Variants in THSD7A observed in about 807,000 individuals in gnomAD.
THSD7A encodes the protein thrombospondin type 1 domain containing 7A, also known as thrombospondin type-1 domain-containing protein 7A.
Under a neutral mutation model 231.3 loss-of-function variants are expected in THSD7A, and 96 were observed. The observed-to-expected ratio is 0.41, with a 90% confidence interval of 0.35 to 0.49. The LOEUF (loss-of-function observed/expected upper bound fraction) is 0.49, where lower values mean the gene tolerates loss of function less well. Among genes scored for constraint, THSD7A ranks in the 20% least tolerant of loss-of-function variants. THSD7A has a pLI of 0.05. For synonymous variants in THSD7A, 940 were observed against 743.3 expected, an observed-to-expected ratio of 1.26 and a Z score of -4.30; for missense variants, 2,290 against 2,070.2, an observed-to-expected ratio of 1.11 and a Z score of -2.06.
At chr7:11,512,942 G>GATATATATACATATATATATATAT (rs1015746084) in intron 6 of THSD7A, among the ~76,000 whole-genome samples, 4 of 101,994 alleles carry the variant, frequency 3.9e-5, no homozygotes, top group African/African-American at 1.8e-4. Context: ...AAGAAACTAT[G>GATATATATACATATATATATATAT]ATATATATAT....
At chr7:11,722,086 A>G (rs1781375899) in intron 1 of THSD7A, among the ~76,000 whole-genome samples, 1 of 151,920 alleles carries the variant, frequency 6.6e-6, no homozygotes, top group Admixed American at 6.6e-5. Context: ...AGCATGGCTG[A>G]CACCATGTTG....
intron 4 of THSD7A, among the ~76,000 whole-genome samples, chr7:11,564,557 C>A (rs10239942): frequency 0.6 from 90,805 of 151,966 alleles, 27,387 homozygotes; most frequent in Admixed American, 0.68. Flanking sequence ...TGCTGCTTTG[C>A]CTTGGTGTCT....
intron 1 of THSD7A, among the ~76,000 whole-genome samples, chr7:11,761,885 C>T (rs1782874653): frequency 6.6e-6 from 1 of 152,104 alleles, no homozygotes; most frequent in Non-Finnish European, 1.5e-5. Context: ...TAAGTAGTCT[C>T]TTCAACACTT....
Position 11,379,086 on chromosome 7 carries a change from T to G in THSD7A, c.4785A>C (p.Leu1595=). The G allele has an allele frequency of 6.2e-7, 1 of 1,613,360 alleles. No homozygotes were observed. Among genetic ancestry groups the G allele is most frequent in the Non-Finnish European group, 8.5e-7 (1 of 1,179,658 alleles). The change falls in exon 26 of 28, where the codon CTA becomes CTC. Residue 1595 remains leucine, a synonymous_variant. Coordinates refer to ENST00000423059, the MANE Select transcript of THSD7A (RefSeq NM_015204.3). ...TCAGTTCACCTGGCCCAAATGGCTG[T>G]AGAAACCAGGTCCTTCCCCGTCCTG... ...NPAGRGRTWF[L]QPFGPDGRLK...
chr7:11,589,988 A>G (rs1780086805), intron 4 of THSD7A, among the ~76,000 whole-genome samples: 1 of 152,186 alleles, frequency 6.6e-6, no homozygotes, highest in African/African-American at 2.4e-5. Flanking sequence ...TGTAGTTTCT[A>G]TTCTGTACTT....
intron 6 of THSD7A, among the ~76,000 whole-genome samples, chr7:11,536,995 G>T (rs7804875): frequency 0.082 from 12,472 of 152,018 alleles, 786 homozygotes; most frequent in East Asian, 0.18. Flanking sequence ...TTAAAATAGG[G>T]CATTATCTTT....
At chr7:11,789,488 G>C (rs1374889141) in intron 1 of THSD7A, among the ~76,000 whole-genome samples, 1 of 151,862 alleles carries the variant, frequency 6.6e-6, no homozygotes, top group Non-Finnish European at 1.5e-5. Context: ...CTGGCAACAT[G>C]TCTTTTTTAC....
chr7:11,746,265 C>A (rs10271381), intron 1 of THSD7A, among the ~76,000 whole-genome samples: 6,499 of 151,882 alleles, frequency 0.043, 470 homozygotes, highest in African/African-American at 0.15. Context: ...GCCCTCACAC[C>A]GTTTTTCCTA....
intron 4 of THSD7A, among the ~76,000 whole-genome samples, chr7:11,568,785 G>A (rs929521553): frequency 2.6e-5 from 4 of 151,828 alleles, no homozygotes; most frequent in African/African-American, 9.7e-5. Flanking sequence ...AAGTCAAACT[G>A]TCCCTCTTTT....
chr7:11,581,419 A>G (rs1335046914), intron 4 of THSD7A, among the ~76,000 whole-genome samples: 2 of 152,118 alleles, frequency 1.3e-5, no homozygotes, highest in Non-Finnish European at 2.9e-5. Flanking sequence ...ACCAGACACC[A>G]ATATACACCA....
intron 26 of THSD7A, chr7:11,378,780 C>T: frequency 2.9e-6 from 1 of 340,488 alleles, no homozygotes; most frequent in Non-Finnish European, 5.4e-6. Context: ...TAACTTTGTT[C>T]AATTTGAAAT....
chr7:11,404,877 C>T lies in THSD7A; in HGVS notation c.4237+1423G>A, dbSNP rs370329092. Among the ~76,000 whole-genome samples the T allele has an allele frequency of 5.9e-5, 9 of 152,072 alleles. No homozygotes were observed. The South Asian group carries it at 6.2e-4, about 11-fold the overall frequency. Reference sequence around the variant, plus strand: ...TAACTACAGGCACTATGTCTTAGAACGGATCTCTAGAACTTATTCACCTTG... The same window carrying T: ...TAACTACAGGCACTATGTCTTAGAATGGATCTCTAGAACTTATTCACCTTG... On this transcript the variant is annotated intron_variant, in intron 22 of 27. Transcript: ENST00000423059.
intron 1 of THSD7A, among the ~76,000 whole-genome samples, chr7:11,640,781 T>A (rs1562433492): frequency 6.6e-6 from 1 of 152,102 alleles, no homozygotes; most frequent in Admixed American, 6.5e-5. Context: ...CCTTAAGAAA[T>A]AAAAGAAAAC....
At chr7:11,423,919 G>A (rs545758675) in intron 16 of THSD7A, among the ~76,000 whole-genome samples, 1 of 152,294 alleles carries the variant, frequency 6.6e-6, no homozygotes, top group East Asian at 1.9e-4. Context: ...TAGGCAGTAG[G>A]GAATTCCTAT....
intron 1 of THSD7A, among the ~76,000 whole-genome samples, chr7:11,786,133 G>C (rs6460842): frequency 0.79 from 119,092 of 151,456 alleles, 46,984 homozygotes; most frequent in Middle Eastern, 0.88. Flanking sequence ...CTTCATCCCA[G>C]TCTCTAATAG....
At chr7:11,560,638 C>T (rs1790038709) in intron 4 of THSD7A, among the ~76,000 whole-genome samples, 2 of 152,074 alleles carry the variant, frequency 1.3e-5, no homozygotes, top group Non-Finnish European at 2.9e-5. Context: ...TAGCATGCAA[C>T]CCATGCAAAG....
chr7:11,372,546 T>TAAGC lies in THSD7A; in HGVS notation c.*3244_*3247dup, dbSNP rs1368763287. On this transcript the variant is annotated 3_prime_UTR_variant, in exon 28 of 28. Coordinates refer to ENST00000423059, the MANE Select transcript of THSD7A (RefSeq NM_015204.3). ...ACATATTGGATTAGTTATTGATGAA[T>TAAGC]AAGCAAATCAGCCCCTTTCAAAAGA... The TAAGC allele has an allele frequency of 6.6e-6, 1 of 152,160 alleles. No individual in the cohort carries two copies. The highest frequency in any genetic ancestry group is 2.4e-5 in the African/African-American group (1 of 41,448). The allele number at this position is 152,160 out of a possible 1,614,324, so 9.4% of individuals were successfully genotyped here.
At chr7:11,760,965 A>T (rs1244505724) in intron 1 of THSD7A, among the ~76,000 whole-genome samples, 1 of 148,136 alleles carries the variant, frequency 6.8e-6, no homozygotes, top group Non-Finnish European at 1.5e-5. Context: ...TATAAATTAT[A>T]ATTTATATAT....
chr7:11,657,954 T>C (rs956205159), intron 1 of THSD7A, among the ~76,000 whole-genome samples: 2 of 151,646 alleles, frequency 1.3e-5, no homozygotes, highest in Non-Finnish European at 2.9e-5. Context: ...GGAAATAGAG[T>C]ACCTGAGCTA....
Sources: allele counts gnomAD v4.1 joint callset (sites outside exome capture counted in the v4.1 genomes callset), GRCh38; gene constraint gnomAD v4.1.1; transcripts MANE v1.5; gene names NCBI Gene and HGNC (gene_info 2026-07-23, HGNC 2026-07-21).